The following HEATR6 variants were observed in gnomAD, a reference collection of about 807,000 sequenced individuals.
HEATR6 encodes the protein HEAT repeat-containing protein 6.
A neutral mutation model predicts 132.8 loss-of-function variants in HEATR6; 106 were observed. That is an observed-to-expected ratio of 0.80 (90% CI 0.68 to 0.94). HEATR6 has a LOEUF of 0.94. Ranked by LOEUF, HEATR6 falls within the 40% of genes least tolerant of loss-of-function variation. The pLI is 0.00. For synonymous variants in HEATR6, 529 were observed against 537.8 expected (o/e 0.98, Z 0.23); for missense variants, 1,339 against 1,425.1 (o/e 0.94, Z 0.97).
chr17:60,074,159 G>T, intron 2 of HEATR6: 2 of 1,159,460 alleles, frequency 1.7e-6, no homozygotes, highest in Non-Finnish European at 2.1e-6. Flanking sequence ...GACATTGGCA[G>T]CTGTGAATAC....
chr17:60,066,390 T>C lies in HEATR6; in HGVS notation c.1239-4A>G. 1 of 1,555,612 alleles carries C rather than the reference T, an allele frequency of 6.4e-7. No individual in the cohort carries two copies. The highest frequency in any genetic ancestry group is 8.7e-7 in the Non-Finnish European group (1 of 1,155,734). On this transcript the variant is annotated splice_region_variant and splice_polypyrimidine_tract_variant and intron_variant, in intron 8 of 19. Coordinates refer to ENST00000184956, the MANE Select transcript of HEATR6 (RefSeq NM_022070.5). ...GCGAACTTTAGCTTGGTAAGACCTT[T>C]CATAACCAAGAGAAAAAAGAAAAAA...
chr17:60,041,516 T>C lies in HEATR6; in HGVS notation c.*2047A>G, dbSNP rs767142489. ...ATTCAAGAGACGGAAGTTCCAAGAT[T>C]CATCACAGGGTCAGGTGGGCTCAAC... On this transcript the variant is annotated 3_prime_UTR_variant, in exon 20 of 20. Transcript: ENST00000184956. Among the ~76,000 whole-genome samples, 17 of 152,180 alleles carry C rather than the reference T, an allele frequency of 1.1e-4. No homozygotes were observed. The highest frequency in any genetic ancestry group is 2.2e-4 in the Non-Finnish European group (15 of 68,018).
Position 60,055,604 on chromosome 17 carries a change from G to T in HEATR6, c.2203-3C>A. 1 of 1,606,138 alleles carries T rather than the reference G, an allele frequency of 6.2e-7. No homozygotes were observed. Among genetic ancestry groups the T allele is most frequent in the Non-Finnish European group, 8.5e-7 (1 of 1,176,074 alleles). Reference sequence around the variant, plus strand: ...CCTGTGCCCAGTTCTTCCAGAAGCTGCCAAGAAAAAGAATTACCGAAGTGG... The same window carrying T: ...CCTGTGCCCAGTTCTTCCAGAAGCTTCCAAGAAAAAGAATTACCGAAGTGG... On this transcript the variant is annotated splice_polypyrimidine_tract_variant and splice_region_variant and intron_variant, in intron 13 of 19. Transcript: ENST00000184956.
chr17:60,060,626 T>C (rs999533285), intron 9 of HEATR6, among the ~76,000 whole-genome samples: 1 of 152,186 alleles, frequency 6.6e-6, no homozygotes, highest in Non-Finnish European at 1.5e-5. Context: ...AAAAAACACA[T>C]GTGCCTAGAG....
At chr17:60,048,996 A>G (rs1337966532) in intron 16 of HEATR6, among the ~76,000 whole-genome samples, 14,483 of 133,166 alleles carry the variant, frequency 0.11, 1,475 homozygotes, top group African/African-American at 0.23. Context: ...ATATATATAT[A>G]TATATATATA....
At chr17:60,060,220 G>A in intron 9 of HEATR6, 124 bp from the exon 10 acceptor site, 2 of 686,324 alleles carry the variant, frequency 2.9e-6, no homozygotes, top group Non-Finnish European at 4.9e-6. Flanking sequence ...AAGGCAATGG[G>A]ATTATCTGTT....
chr17:60,075,322 C>T (rs1170418629), intron 2 of HEATR6, among the ~76,000 whole-genome samples: 2 of 152,112 alleles, frequency 1.3e-5, no homozygotes, highest in Non-Finnish European at 2.9e-5. Flanking sequence ...ACAGATGCGT[C>T]CCTTGGGACT....
chr17:60,072,609 C>T (rs781446973), intron 4 of HEATR6, among the ~76,000 whole-genome samples: 4 of 152,130 alleles, frequency 2.6e-5, no homozygotes, highest in African/African-American at 9.7e-5. Flanking sequence ...TTTAGTTCTG[C>T]TGTTCAGTCC....
chr17:60,059,202 C>T (rs1402169777), intron 11 of HEATR6, among the ~76,000 whole-genome samples: 1 of 152,164 alleles, frequency 6.6e-6, no homozygotes, highest in Non-Finnish European at 1.5e-5. Context: ...ATTAAACAGG[C>T]AAACTTTACA....
At chr17:60,058,016 T>C (rs552697755) in intron 11 of HEATR6, among the ~76,000 whole-genome samples, 2 of 152,316 alleles carry the variant, frequency 1.3e-5, no homozygotes, top group East Asian at 3.9e-4. Context: ...ATTACTGTAG[T>C]TTTATAGTAG....
Position 60,043,071 on chromosome 17 carries a change from G to C in HEATR6, c.*492C>G. 3.9e-6 allele frequency: 1 copy of C among 255,954 alleles called. No individual in the cohort carries two copies. The highest frequency in any genetic ancestry group is 3.9e-5 in the South Asian group (1 of 25,768). The allele number at this position is 255,954 out of a possible 1,614,324, so 15.9% of individuals were successfully genotyped here. A position where few individuals can be genotyped will look rare whatever the true frequency, so the allele number is the denominator to read the frequency against. On this transcript the variant is annotated 3_prime_UTR_variant, in exon 20 of 20. Transcript: ENST00000184956. ...TCAGCATCCTCGGTCCTGTGCGGCTGTGAGGCACTGTCAGCATCCTCGCAT... is the reference window on the plus strand; with the variant it reads ...TCAGCATCCTCGGTCCTGTGCGGCTCTGAGGCACTGTCAGCATCCTCGCAT...
chr17:60,065,516 G>A (rs2083235794), intron 9 of HEATR6, among the ~76,000 whole-genome samples: 1 of 152,172 alleles, frequency 6.6e-6, no homozygotes, highest in African/African-American at 2.4e-5. Context: ...TAAACAGCAG[G>A]CTATTTTCCT....
At chr17:60,049,122 AGTGTGTGTGTGTGTGT>A (rs531092208) in intron 16 of HEATR6, among the ~76,000 whole-genome samples, 1 of 134,814 alleles carries the variant, frequency 7.4e-6, no homozygotes, top group African/African-American at 2.8e-5. Flanking sequence ...AGAGACAGAG[AGTGTGTGTGTGTGTGT>A]GTGTGTGTGT....
intron 14 of HEATR6, among the ~76,000 whole-genome samples, chr17:60,053,173 A>G (rs542601909): frequency 2.6e-5 from 4 of 152,112 alleles, no homozygotes; most frequent in Non-Finnish European, 5.9e-5. Context: ...TCTGTTATTC[A>G]CACGAGAGCT....
chr17:60,078,876 C>T lies in HEATR6; in HGVS notation c.39G>A (p.Val13=), dbSNP rs371102070. 4.4e-6 allele frequency: 7 copies of T among 1,589,304 alleles called. No homozygotes were observed. The highest frequency in any genetic ancestry group is 1.5e-5 in the African/African-American group (1 of 67,594). The change falls in exon 1 of 20, where the codon GTG becomes GTA. Residue 13 remains valine, a synonymous_variant. Transcript: ENST00000184956. ...AVQVVGSWPS[V]QPREAPREAI... ...CTTCCCGCGGTGCCTCCCGCGGCTGCACGGAAGGCCACGAACCGACAACTT... is the reference window on the plus strand; with the variant it reads ...CTTCCCGCGGTGCCTCCCGCGGCTGTACGGAAGGCCACGAACCGACAACTT...
intron 14 of HEATR6, among the ~76,000 whole-genome samples, chr17:60,055,020 T>C (rs755877692): frequency 1.3e-5 from 2 of 152,174 alleles, no homozygotes; most frequent in Admixed American, 6.5e-5. Context: ...CTTGGTGCTG[T>C]CCTTGTGGTA....
rs774773599 is a variant in HEATR6 at position 60,073,823 on chromosome 17, A to G, written c.391T>C (p.Cys131Arg). ...ATTTCCCTGTGTGTCCAGGAACTAC[A>G]CTGATGAATAGCCGAAATAGTATAT... Reference protein sequence around the residue: ...LAYTISAIHQCSSWTHREILQ... With the variant: ...LAYTISAIHQRSSWTHREILQ... Residue 131 changes from cysteine to arginine, a missense_variant, in exon 3 of 20, where the codon TGT becomes CGT. By Grantham distance (180) the Cys-to-Arg change is radical (BLOSUM62 -3). Transcript: ENST00000184956. 4.3e-6 allele frequency: 7 copies of G among 1,613,892 alleles called. No individual in the cohort carries two copies. Among genetic ancestry groups the G allele is most frequent in the Admixed American group, 3.3e-5 (2 of 60,004 alleles).
At position 60,078,654 on chromosome 17, in the gene HEATR6, G is replaced by A. The variant is rs576056106; in HGVS notation, c.219+42C>T. 1.4e-5 allele frequency: 20 copies of A among 1,477,558 alleles called. No individual in the cohort carries two copies. The African/African-American group carries it at 1.8e-4, about 13-fold the overall frequency. The allele number at this position is 1,477,558 out of a possible 1,614,324, so 91.5% of individuals were successfully genotyped here. A position where few individuals can be genotyped will look rare whatever the true frequency, so the allele number is the denominator to read the frequency against. On this transcript the variant is annotated intron_variant, in intron 1 of 19. Transcript: ENST00000184956. ...AGAGGCCACCAGCTGGGTTCCCGGA[G>A]GGGTGGGGCCGGGGCCGGGGCCAGC...
In HEATR6 at chr17:60,042,810, T is replaced by C. The variant is rs9896903; in HGVS notation, c.*753A>G. 3.1e-4 allele frequency among the ~76,000 whole-genome samples: 15 copies of C among 48,528 alleles called. No individual in the cohort carries two copies. The highest frequency in any genetic ancestry group is 1.4e-3 in the African/African-American group (13 of 8,986). The allele number at this position is 48,528 out of a possible 152,430, so 31.8% of individuals were successfully genotyped here. On this transcript the variant is annotated 3_prime_UTR_variant, in exon 20 of 20. Transcript: ENST00000184956. The stretch of plus-strand genomic sequence containing the variant: ...ACCGTCAGCATCCTCGCGTCCTGTG[T>C]GGCTGTGAGGCACCGTCAGCATCCT...
Sources: gnomAD v4.1 joint callset for allele counts (sites outside exome capture counted in the v4.1 genomes callset) on GRCh38, gnomAD v4.1.1 for gene constraint, MANE v1.5 for transcripts, NCBI Gene and HGNC (gene_info 2026-07-23, HGNC 2026-07-21) for gene names.